Variants in CNTN5 observed in about 807,000 individuals in gnomAD.
CNTN5 encodes the protein contactin-5.
In CNTN5, 77 loss-of-function variants were observed where a neutral mutation model predicts 129.1. That is an observed-to-expected ratio of 0.60 (90% confidence interval 0.50 to 0.72). CNTN5 has a LOEUF of 0.72. Ranked by LOEUF, CNTN5 falls within the 30% of genes least tolerant of loss-of-function variation. The pLI, the probability that CNTN5 is intolerant of heterozygous loss-of-function variation, is 0.00. For missense variants in CNTN5, 1,478 were observed against 1,328.8 expected (o/e 1.11, Z -1.75); for synonymous variants, 509 against 465.6 (o/e 1.09, Z -1.20).
chr11:99,958,786 A>T (rs1386227880), intron 8 of CNTN5, among the ~76,000 whole-genome samples: 3 of 152,192 alleles, frequency 2.0e-5, no homozygotes, highest in Admixed American at 2.0e-4. Context: ...TTCTTATCTG[A>T]AAATTATAAC....
At chr11:99,205,604 G>A (rs1859439773) in intron 1 of CNTN5, among the ~76,000 whole-genome samples, 1 of 152,114 alleles carries the variant, frequency 6.6e-6, no homozygotes, top group African/African-American at 2.4e-5. Flanking sequence ...TATGACTATA[G>A]CTATTGGCAC....
At chr11:99,769,742 A>T (rs1387159841) in intron 3 of CNTN5, among the ~76,000 whole-genome samples, 1 of 151,016 alleles carries the variant, frequency 6.6e-6, no homozygotes, top group Non-Finnish European at 1.5e-5. Flanking sequence ...TTAACCCAGG[A>T]GGCAGAAGTT....
intron 3 of CNTN5, among the ~76,000 whole-genome samples, chr11:99,622,176 T>A (rs1467782596): frequency 6.6e-6 from 1 of 152,204 alleles, no homozygotes; most frequent in Non-Finnish European, 1.5e-5. Flanking sequence ...ACATGTAGAA[T>A]TCAGCAAGTT....
intron 18 of CNTN5, among the ~76,000 whole-genome samples, chr11:100,286,451 G>C (rs1460012440): frequency 1.4e-4 from 21 of 149,720 alleles, no homozygotes; most frequent in East Asian, 9.9e-4. Context: ...CCTGACCCCT[G>C]ACCCCCAAGC....
intron 16 of CNTN5, among the ~76,000 whole-genome samples, chr11:100,247,199 AG>A (rs749893403): frequency 2.6e-5 from 4 of 152,178 alleles, no homozygotes; most frequent in African/African-American, 4.8e-5. Context: ...AAGGAGGGAC[AG>A]GAGTTTCATG....
intron 13 of CNTN5, among the ~76,000 whole-genome samples, chr11:100,176,363 C>T (rs759305912): frequency 1.4e-4 from 21 of 152,204 alleles, no homozygotes; most frequent in Admixed American, 4.6e-4. Context: ...ATTGTTATAA[C>T]GTTACATTGT....
intron 17 of CNTN5, among the ~76,000 whole-genome samples, chr11:100,270,016 G>A (rs1028543078): frequency 3.3e-5 from 5 of 152,102 alleles, no homozygotes; most frequent in African/African-American, 4.8e-5. Context: ...GACTCCAAGC[G>A]TACTGCTCAG....
At chr11:99,962,162 A>C (rs1225624791) in intron 8 of CNTN5, among the ~76,000 whole-genome samples, 4 of 152,010 alleles carry the variant, frequency 2.6e-5, no homozygotes, top group Non-Finnish European at 4.4e-5. Context: ...TTATTCAAAA[A>C]CTGTTTTTAT....
chr11:99,567,261 A>T (rs1211440957), intron 3 of CNTN5, among the ~76,000 whole-genome samples: 1 of 152,020 alleles, frequency 6.6e-6, no homozygotes, highest in Non-Finnish European at 1.5e-5. Flanking sequence ...AGCCACAGTG[A>T]CCTCCTTCCT....
chr11:99,852,935 T>A (rs1442689490), intron 6 of CNTN5, among the ~76,000 whole-genome samples: 6 of 152,196 alleles, frequency 3.9e-5, no homozygotes, highest in Non-Finnish European at 8.8e-5. Context: ...ACATTTTAAA[T>A]TTCACTTAAT....
intron 15 of CNTN5, among the ~76,000 whole-genome samples, chr11:100,215,339 T>C (rs1240583429): frequency 6.6e-6 from 1 of 152,184 alleles, no homozygotes; most frequent in East Asian, 1.9e-4. Flanking sequence ...CCAGTCCAGA[T>C]TCAAGGAGTA....
chr11:100,167,383 T>C (rs1947673942), intron 13 of CNTN5, among the ~76,000 whole-genome samples: 1 of 151,786 alleles, frequency 6.6e-6, no homozygotes. Flanking sequence ...CAGGCAAAAT[T>C]TGAGATGTTT....
rs538101175 is a variant in CNTN5 at position 99,836,263 on chromosome 11, A to C, written c.278-8589A>C. Among the ~76,000 whole-genome samples the C allele has an allele frequency of 5.2e-4, 79 of 151,080 alleles. No homozygotes were observed. The South Asian group carries it at 9.0e-3, about 17-fold the overall frequency. On this transcript the variant is annotated intron_variant, in intron 4 of 24. Transcript: ENST00000524871. ...CACCCATTAACTCGTCACTTACATT[A>C]GGTATATCTCCTAATGCTATCCCTC...
At chr11:99,210,519 T>G (rs1254057512) in intron 1 of CNTN5, among the ~76,000 whole-genome samples, 3 of 152,142 alleles carry the variant, frequency 2.0e-5, no homozygotes, top group Admixed American at 2.0e-4. Context: ...TTATCTATGT[T>G]AGAGATTGGG....
At chr11:100,305,282 A>T (rs1011640012) in intron 20 of CNTN5, among the ~76,000 whole-genome samples, 1 of 151,602 alleles carries the variant, frequency 6.6e-6, no homozygotes, top group African/African-American at 2.4e-5. Context: ...ACTCCAAAGC[A>T]CATAGGAGTG....
At chr11:100,103,384 A>G (rs1028519767) in intron 13 of CNTN5, among the ~76,000 whole-genome samples, 3 of 152,110 alleles carry the variant, frequency 2.0e-5, no homozygotes, top group Non-Finnish European at 4.4e-5. Flanking sequence ...TTTCTGAACA[A>G]TCCATGTCTT....
At chr11:99,821,574 C>T (rs1430513070) in intron 4 of CNTN5, among the ~76,000 whole-genome samples, 2 of 151,832 alleles carry the variant, frequency 1.3e-5, no homozygotes, top group African/African-American at 4.8e-5. Flanking sequence ...GATATAATGG[C>T]AAGTGACCTG....
At position 99,227,426 on chromosome 11, in the gene CNTN5, T is replaced by G. The variant is rs547753971; in HGVS notation, c.-209-97920T>G. On this transcript the variant is annotated intron_variant, in intron 1 of 24. Coordinates refer to ENST00000524871, the MANE Select transcript of CNTN5 (RefSeq NM_014361.4). Reference sequence around the variant, plus strand: ...AATTGTTTGCACTATATGGCCTCAATTTATCGTGTAGAGGAAATTATGTTA... The same window carrying G: ...AATTGTTTGCACTATATGGCCTCAAGTTATCGTGTAGAGGAAATTATGTTA... 1.2e-4 allele frequency among the ~76,000 whole-genome samples: 18 copies of G among 151,914 alleles called. 1 individual carries two copies. The highest frequency in any genetic ancestry group is 9.2e-4 in the Admixed American group (14 of 15,250).
At chr11:99,442,011 G>A (rs1943851070) in intron 2 of CNTN5, among the ~76,000 whole-genome samples, 1 of 152,030 alleles carries the variant, frequency 6.6e-6, no homozygotes, top group African/African-American at 2.4e-5. Context: ...ATCCTGAGTT[G>A]TAATCTCCTC....
Sources: allele counts gnomAD v4.1 joint callset (sites outside exome capture counted in the v4.1 genomes callset), GRCh38; gene constraint gnomAD v4.1.1; transcripts MANE v1.5; gene names NCBI Gene and HGNC (gene_info 2026-07-23, HGNC 2026-07-21).